UGT1A7: variants seen among roughly 807,000 people sequenced by gnomAD.
The protein encoded by UGT1A7 is UDP-glucuronosyltransferase 1A7.
In UGT1A7, 33 loss-of-function variants were observed where a neutral mutation model predicts 45.6. That is an observed-to-expected ratio of 0.72 (90% CI 0.55 to 0.97). The LOEUF (loss-of-function observed/expected upper bound fraction) is 0.97, where lower values mean the gene tolerates loss of function less well. UGT1A7 is among the 50% of genes least tolerant of loss of function. The pLI is 0.00. For synonymous variants in UGT1A7, 274 were observed against 250.6 expected (o/e 1.09, Z -0.88); for missense variants, 684 against 666.2 (o/e 1.03, Z -0.29).
chr2:233,762,007 A>G (rs1297893749), intron 1 of UGT1A7, among the ~76,000 whole-genome samples: 1 of 152,144 alleles, frequency 6.6e-6, no homozygotes, highest in African/African-American at 2.4e-5. Flanking sequence ...CTATACCTCC[A>G]ATGTGATTTG....
At chr2:233,728,962 CAG>C in intron 1 of UGT1A7, 1 of 1,451,584 alleles carries the variant, frequency 6.9e-7, no homozygotes, top group Non-Finnish European at 9.2e-7. Flanking sequence ...CAGTGAAAAA[CAG>C]TGATAGATTA....
In UGT1A7 at chr2:233,769,538, C is replaced by A; in HGVS notation, c.1295+1099C>A. 6.2e-7 allele frequency: 1 copy of A among 1,612,838 alleles called. No homozygotes were observed. Among genetic ancestry groups the A allele is most frequent in the Non-Finnish European group, 8.5e-7 (1 of 1,179,878 alleles). ...CATGGTTACCTCCTTTAGAAAGAAGCAGCAGTCAGGAAGACAGATGTGAAG... is the reference window on the plus strand; with the variant it reads ...CATGGTTACCTCCTTTAGAAAGAAGAAGCAGTCAGGAAGACAGATGTGAAG... On this transcript the variant is annotated intron_variant, in intron 4 of 4. Coordinates refer to ENST00000373426, the MANE Select transcript of UGT1A7 (RefSeq NM_019077.3). The surrounding 1 kb of genome is among the most constrained non-coding windows in gnomAD (Gnocchi z 4.4).
intron 1 of UGT1A7, among the ~76,000 whole-genome samples, chr2:233,683,816 A>G (rs564752675): frequency 6.6e-6 from 1 of 151,880 alleles, no homozygotes; most frequent in African/African-American, 2.4e-5. Flanking sequence ...ATATTACTAA[A>G]CTCTCGTATT....
At chr2:233,705,093 GC>G (rs1278333462) in intron 1 of UGT1A7, among the ~76,000 whole-genome samples, 27 of 151,684 alleles carry the variant, frequency 1.8e-4, no homozygotes, top group Non-Finnish European at 3.8e-4. Context: ...CCAAGATCGT[GC>G]CATTGCACGC....
intron 1 of UGT1A7, chr2:233,719,098 C>A (rs188914242): frequency 6.2e-7 from 1 of 1,614,122 alleles, no homozygotes; most frequent in Non-Finnish European, 8.5e-7. Flanking sequence ...GATCGCGTTA[C>A]GCTGGGCTAC....
At chr2:233,718,660 T>C (rs2076672859) in intron 1 of UGT1A7, 2 of 1,533,748 alleles carry the variant, frequency 1.3e-6, no homozygotes, top group Admixed American at 3.9e-5. Flanking sequence ...GAAAGGCAGT[T>C]ATAGATTAAT....
intron 1 of UGT1A7, among the ~76,000 whole-genome samples, chr2:233,688,837 T>C (rs11680450): frequency 0.39 from 59,706 of 151,878 alleles, 11,922 homozygotes; most frequent in South Asian, 0.45. Context: ...AAGAAAAGGA[T>C]GTAAAGAGAG....
intron 1 of UGT1A7, among the ~76,000 whole-genome samples, chr2:233,761,362 C>T (rs1697754061): frequency 6.6e-6 from 1 of 152,198 alleles, no homozygotes. Flanking sequence ...GAAAGCATTC[C>T]TTGGACATTT....
chr2:233,717,281 T>G (rs1169770811), intron 1 of UGT1A7, among the ~76,000 whole-genome samples: 3 of 152,158 alleles, frequency 2.0e-5, no homozygotes, highest in Non-Finnish European at 4.4e-5. Flanking sequence ...GAAGCTGAGA[T>G]GTTGCACCCA....
chr2:233,718,793 C>G (rs375687360), intron 1 of UGT1A7: 30 of 1,613,028 alleles, frequency 1.9e-5, no homozygotes, highest in South Asian at 4.4e-5. Flanking sequence ...GTGGGGTGGA[C>G]AGTCAGCTGT....
At chr2:233,758,140 G>C (rs572849917) in intron 1 of UGT1A7, among the ~76,000 whole-genome samples, 1 of 152,156 alleles carries the variant, frequency 6.6e-6, no homozygotes, top group African/African-American at 2.4e-5. Context: ...GGCAGATGAG[G>C]GAATTAGCAA....
intron 1 of UGT1A7, among the ~76,000 whole-genome samples, chr2:233,724,822 C>T (rs372493213): frequency 2.2e-5 from 3 of 135,968 alleles, no homozygotes; most frequent in Admixed American, 7.3e-5. Flanking sequence ...GCTGCAATCT[C>T]GGCACTTTGG....
chr2:233,683,077 A>C lies in UGT1A7; in HGVS notation c.855+285A>C, dbSNP rs150800988. Among the ~76,000 whole-genome samples the C allele has an allele frequency of 9.2e-5, 14 of 152,244 alleles. No homozygotes were observed. The East Asian group carries it at 2.7e-3, about 29-fold the overall frequency. ...CAAAAAAACCACAGTAAGAAATGAA[A>C]CTTCCCTTTTTTTGCTAATTCTACA... On this transcript the variant is annotated intron_variant, in intron 1 of 4. Coordinates refer to ENST00000373426, the MANE Select transcript of UGT1A7 (RefSeq NM_019077.3).
At chr2:233,684,022 G>A (rs1295589698) in intron 1 of UGT1A7, among the ~76,000 whole-genome samples, 1 of 152,174 alleles carries the variant, frequency 6.6e-6, no homozygotes, top group Non-Finnish European at 1.5e-5. Flanking sequence ...CTTGGCAAAT[G>A]CATAGTTGCT....
At chr2:233,738,071 C>T (rs905760849) in intron 1 of UGT1A7, among the ~76,000 whole-genome samples, 5 of 152,114 alleles carry the variant, frequency 3.3e-5, no homozygotes, top group Non-Finnish European at 7.3e-5. Flanking sequence ...AGGTCCCCAC[C>T]TCCTAATCTC....
rs1236421933 is a variant in UGT1A7, at chr2:233,745,346, T to TG, written c.856-21683dup. 2.2e-4 allele frequency among the ~76,000 whole-genome samples: 34 copies of TG among 151,966 alleles called. 1 individual carries two copies. The highest frequency in any genetic ancestry group is 8.2e-4 in the African/African-American group (34 of 41,256). ...ACTGCTATATCATGACCATGAATTT[T>TG]GGGGGAATTTTTTTGAGATCTGAGT... is the stretch of plus-strand genomic sequence containing the variant. On this transcript the variant is annotated intron_variant, in intron 1 of 4. Coordinates refer to ENST00000373426, the MANE Select transcript of UGT1A7 (RefSeq NM_019077.3).
intron 1 of UGT1A7, among the ~76,000 whole-genome samples, chr2:233,699,389 T>C (rs1285645026): frequency 3.3e-5 from 5 of 152,220 alleles, no homozygotes; most frequent in Non-Finnish European, 5.9e-5. Flanking sequence ...AATATCTCAA[T>C]TTTAGAAGAG....
At chr2:233,725,000 C>T (rs545326443) in intron 1 of UGT1A7, among the ~76,000 whole-genome samples, 7 of 147,222 alleles carry the variant, frequency 4.8e-5, no homozygotes, top group Admixed American at 1.4e-4. Context: ...GGCTGGAGAC[C>T]GGCCCGGCCA....
At chr2:233,762,434 G>T (rs1698074575) in intron 1 of UGT1A7, among the ~76,000 whole-genome samples, 1 of 152,184 alleles carries the variant, frequency 6.6e-6, no homozygotes, top group Non-Finnish European at 1.5e-5. Flanking sequence ...GAGTAACAGT[G>T]TATTCCCACT....
Sources: gnomAD v4.1 joint callset for allele counts (sites outside exome capture counted in the v4.1 genomes callset) on GRCh38, gnomAD v4.1.1 for gene constraint, Gnocchi (gnomAD v3.1) non-coding constraint, MANE v1.5 for transcripts, NCBI Gene and HGNC (gene_info 2026-07-23, HGNC 2026-07-21) for gene names.